Variants in NAV2 observed in about 807,000 individuals in gnomAD.
NAV2 encodes the protein helicase, APC down-regulated 1.
A neutral mutation model predicts 223.2 loss-of-function variants in NAV2; 54 were observed. That is an observed-to-expected ratio of 0.24 (90% CI 0.19 to 0.30). The LOEUF is 0.30. Ranked by LOEUF, NAV2 falls within the 10% of genes least tolerant of loss-of-function variation. NAV2 has a pLI of 1.00. For synonymous variants in NAV2, 1,279 were observed against 1,239.3 expected (o/e 1.03, Z -0.67); for missense variants, 2,806 against 3,147.5 (o/e 0.89, Z 2.60).
intron 1 of NAV2, among the ~76,000 whole-genome samples, chr11:19,510,090 C>A (rs1438200027): frequency 1.3e-5 from 2 of 152,084 alleles, no homozygotes; most frequent in South Asian, 2.1e-4. Context: ...CCAGAAGAAC[C>A]TTTTAAATGG....
intron 1 of NAV2, among the ~76,000 whole-genome samples, chr11:19,468,073 C>A (rs144533155): frequency 2.0e-5 from 3 of 152,254 alleles, no homozygotes; most frequent in Non-Finnish European, 4.4e-5. Context: ...ATGGCTGAGA[C>A]TGTCCTAGGG....
rs146393896 is a variant in NAV2 at position 19,713,734 on chromosome 11, A to C, written c.39A>C (p.Gly13=). The C allele has an allele frequency of 4.1e-3, 6,585 of 1,595,400 alleles. 20 individuals carry two copies. The highest frequency in any genetic ancestry group is 5.4e-3 in the Non-Finnish European group (6,282 of 1,167,762). ...TGGTCGCCTCCAAAATGAAGTCGGG[A>C]CTGCCCAAACCCGTGCACAGCGCCG... ...AILVASKMKS[G]LPKPVHSAAP... Residue 13 remains glycine, a synonymous_variant, in exon 1 of 38, where the codon GGA becomes GGC. Coordinates refer to ENST00000349880, the MANE Select transcript of NAV2 (RefSeq NM_145117.5). This position sits in a 1 kb window ranked among gnomAD's most constrained non-coding sequence, Gnocchi z 7.2.
chr11:19,929,661 G>A (rs2153234431), intron 6 of NAV2, among the ~76,000 whole-genome samples: 1 of 152,240 alleles, frequency 6.6e-6, no homozygotes, highest in Non-Finnish European at 1.5e-5. Flanking sequence ...ATTTTTTCCT[G>A]AGTTTAGGCT....
At chr11:19,396,987 G>T (rs1849475451) in intron 1 of NAV2, among the ~76,000 whole-genome samples, 1 of 152,128 alleles carries the variant, frequency 6.6e-6, no homozygotes, top group Non-Finnish European at 1.5e-5. Context: ...GAGGAGTGAG[G>T]GTGTAATGAA....
chr11:20,067,976 C>G lies in NAV2; in HGVS notation c.4885-210C>G, dbSNP rs1591959206. 2.0e-5 allele frequency among the ~76,000 whole-genome samples: 3 copies of G among 152,056 alleles called. No individual in the cohort carries two copies. The East Asian group carries it at 5.8e-4, about 29-fold the overall frequency. On this transcript the variant is annotated intron_variant, in intron 20 of 37. Coordinates refer to ENST00000349880, the MANE Select transcript of NAV2 (RefSeq NM_145117.5). ...AATGTGGAGTGGTGTTCTCATTCTT[C>G]CTAATTTTTAAAAATCATAAGCCGT...
chr11:20,114,964 G>A (rs1421230370), intron 37 of NAV2, among the ~76,000 whole-genome samples, 169 bp downstream of exon 37: 2 of 152,116 alleles, frequency 1.3e-5, no homozygotes, highest in Non-Finnish European at 2.9e-5. Flanking sequence ...CATGGTTTTA[G>A]TTTTTCACTA....
chr11:19,892,626 A>T (rs766665073), intron 6 of NAV2, 32 bp downstream of exon 6: 1 of 1,607,554 alleles, frequency 6.2e-7, no homozygotes, highest in East Asian at 2.2e-5. Flanking sequence ...CCTTTTTGGT[A>T]TTTTCCTTCA....
chr11:19,742,214 G>A (rs193008024), intron 1 of NAV2, among the ~76,000 whole-genome samples: 11 of 152,236 alleles, frequency 7.2e-5, no homozygotes, highest in Admixed American at 3.9e-4. Context: ...AGCAGTCATC[G>A]GGACTTGGGG....
At position 20,074,759 on chromosome 11, in the gene NAV2, G is replaced by GC. The variant is rs1554948004; in HGVS notation, c.4984-2792dup. Among the ~76,000 whole-genome samples, 48 of 70,770 alleles carry GC rather than the reference G, an allele frequency of 6.8e-4. 1 individual carries two copies. The highest frequency in any genetic ancestry group is 2.3e-3 in the South Asian group (4 of 1,764). 46.4% of individuals were successfully genotyped at this position (70,770 alleles called of 152,430 possible). A position where few individuals can be genotyped will look rare whatever the true frequency, so the allele number is the denominator to read the frequency against. On this transcript the variant is annotated intron_variant, in intron 22 of 37. Coordinates refer to ENST00000349880, the MANE Select transcript of NAV2 (RefSeq NM_145117.5). ...TATTGGAGACTAGGATTGCAACTCT[G>GC]CTTTTTTTTTTTTTTTTGCTTTCCA...
Position 19,766,036 on chromosome 11 carries a change from T to G in NAV2, c.267+52074T>G, listed in dbSNP as rs75321596. ...CACTCTCCCTCCCTATCACCCAGAATAGAACCTGGCACTTAGTGGTCAATC... is the reference window on the plus strand; with the variant it reads ...CACTCTCCCTCCCTATCACCCAGAAGAGAACCTGGCACTTAGTGGTCAATC... On this transcript the variant is annotated intron_variant, in intron 1 of 37. Coordinates refer to ENST00000349880, the MANE Select transcript of NAV2 (RefSeq NM_145117.5). 6.4e-4 allele frequency among the ~76,000 whole-genome samples: 98 copies of G among 152,226 alleles called. 3 individuals carry two copies. In the East Asian group the frequency reaches 0.019, roughly 29 times the overall value.
chr11:19,800,143 C>T (rs889152428), intron 1 of NAV2, among the ~76,000 whole-genome samples: 9 of 152,186 alleles, frequency 5.9e-5, no homozygotes, highest in African/African-American at 1.9e-4. Context: ...TTCTATCCAT[C>T]GCCCCCACTA....
chr11:19,946,038 C>T (rs552296906), intron 8 of NAV2, among the ~76,000 whole-genome samples: 1 of 152,346 alleles, frequency 6.6e-6, no homozygotes, highest in Non-Finnish European at 1.5e-5. Flanking sequence ...CAAAATGCTT[C>T]ACTCATTTTT....
intron 9 of NAV2, 73 bp downstream of exon 9, chr11:19,946,582 A>T (rs2046956449): frequency 7.7e-7 from 1 of 1,297,698 alleles, no homozygotes; most frequent in African/African-American, 1.5e-5. Context: ...TCATAGCAGT[A>T]GCAAAGCGAT....
At chr11:19,382,082 C>A (rs1848858532) in intron 1 of NAV2, among the ~76,000 whole-genome samples, 1 of 152,170 alleles carries the variant, frequency 6.6e-6, no homozygotes, top group Non-Finnish European at 1.5e-5. Context: ...TTCCAGGGGG[C>A]TGCCTTATGT....
intron 33 of NAV2, 121 bp from the exon 34 acceptor site, chr11:20,103,532 G>T (rs1290779072): frequency 1.3e-6 from 2 of 1,487,140 alleles, no homozygotes; most frequent in Non-Finnish European, 1.9e-6. Context: ...CATAGGGTTG[G>T]GAGTGGGAGG....
chr11:19,345,715 C>T, the NAV2 span, among the ~76,000 whole-genome samples: 5 of 152,238 alleles, frequency 3.3e-5, no homozygotes, highest in Non-Finnish European at 5.9e-5. This position sits in a 1 kb window ranked among gnomAD's most constrained non-coding sequence, Gnocchi z 5.2. Flanking sequence ...GGCTGCTCTG[C>T]GAGCTCGGGG....
At position 19,799,146 on chromosome 11, in the gene NAV2, G is replaced by A. The variant is rs80007049; in HGVS notation, c.268-33338G>A. Among the ~76,000 whole-genome samples the A allele has an allele frequency of 6.0e-3, 918 of 152,280 alleles. 62 individuals carry two copies. The East Asian group carries it at 0.15, about 25-fold the overall frequency. On this transcript the variant is annotated intron_variant, in intron 1 of 37. Coordinates refer to ENST00000349880, the MANE Select transcript of NAV2 (RefSeq NM_145117.5). ...GCAACTTCAGCAACTATTGAGGGCC[G>A]ACACTAGCAGACGTGCCTTTTCCCG...
At chr11:19,430,229 T>C in intron 1 of NAV2, among the ~76,000 whole-genome samples, 1 of 152,204 alleles carries the variant, frequency 6.6e-6, no homozygotes, top group East Asian at 1.9e-4. Flanking sequence ...CTGATGCTCT[T>C]TGCACTTTTC....
chr11:19,345,582 T>C, the NAV2 span, among the ~76,000 whole-genome samples: 3 of 152,288 alleles, frequency 2.0e-5, no homozygotes, highest in African/African-American at 7.2e-5. The surrounding 1 kb of genome is among the most constrained non-coding windows in gnomAD (Gnocchi z 5.2). Flanking sequence ...GCAGCATAGA[T>C]ACCGGGCGAG....
Sources: allele counts gnomAD v4.1 joint callset (sites outside exome capture counted in the v4.1 genomes callset), GRCh38; gene constraint gnomAD v4.1.1; non-coding constraint Gnocchi (gnomAD v3.1); transcripts MANE v1.5; gene names NCBI Gene and HGNC (gene_info 2026-07-23, HGNC 2026-07-21).